The following REEP1 variants were observed in gnomAD, a reference collection of about 807,000 sequenced individuals.
REEP1 encodes receptor accessory protein 1, also known as receptor expression-enhancing protein 1.
Under a neutral mutation model 40.3 loss-of-function variants are expected in REEP1, and 22 were observed. The ratio of observed to expected loss-of-function variants is 0.55; its 90% CI spans 0.39 to 0.78. The LOEUF is 0.78. Ranked by LOEUF, REEP1 falls within the 30% of genes least tolerant of loss-of-function variation. The pLI is 0.00. For missense variants in REEP1, 280 were observed against 361.1 expected (o/e 0.78, Z 1.82); for synonymous variants, 116 against 139.2 (o/e 0.83, Z 1.17).
chr2:86,253,965 T>G (rs1338969094), intron 4 of REEP1, among the ~76,000 whole-genome samples: 3 of 152,144 alleles, frequency 2.0e-5, no homozygotes, highest in Admixed American at 2.0e-4. Flanking sequence ...TCTAAGACAA[T>G]TAAAGGAAGC....
intron 1 of REEP1, among the ~76,000 whole-genome samples, chr2:86,282,838 C>A (rs1296856161): frequency 6.6e-6 from 1 of 152,158 alleles, no homozygotes; most frequent in Non-Finnish European, 1.5e-5. Flanking sequence ...CAGCAGCTCT[C>A]ACTGATCTAT....
chr2:86,245,325 C>G (rs922036748), intron 5 of REEP1, among the ~76,000 whole-genome samples: 2 of 152,196 alleles, frequency 1.3e-5, no homozygotes, highest in Non-Finnish European at 2.9e-5. Flanking sequence ...TGTTCCCATG[C>G]TCAGAGCGAG....
intron 8 of REEP1, among the ~76,000 whole-genome samples, chr2:86,218,175 C>T (rs1402312819): frequency 6.6e-6 from 1 of 152,162 alleles, no homozygotes; most frequent in Non-Finnish European, 1.5e-5. Context: ...TCCCGGAGCC[C>T]CTCCTGCCAC....
intron 1 of REEP1, among the ~76,000 whole-genome samples, chr2:86,336,492 G>T (rs1462757755): frequency 6.6e-6 from 1 of 152,070 alleles, no homozygotes; most frequent in African/African-American, 2.4e-5. Flanking sequence ...CCTCCTCCCC[G>T]CCTTAGACTC....
chr2:86,264,645 A>T (rs1677047153), intron 2 of REEP1, among the ~76,000 whole-genome samples: 1 of 152,152 alleles, frequency 6.6e-6, no homozygotes, highest in South Asian at 2.1e-4. Context: ...CACCCCATTT[A>T]AAATATCCCA....
At chr2:86,251,082 A>C (rs1196564232) in intron 5 of REEP1, among the ~76,000 whole-genome samples, 1 of 152,132 alleles carries the variant, frequency 6.6e-6, no homozygotes. Context: ...TCCAATCATC[A>C]GCATAACTGC....
intron 1 of REEP1, among the ~76,000 whole-genome samples, chr2:86,309,992 C>G (rs752874388): frequency 3.9e-5 from 6 of 152,118 alleles, no homozygotes; most frequent in Non-Finnish European, 7.4e-5. Context: ...TCGTGCAGCA[C>G]AAACAAGGCT....
chr2:86,287,789 A>C (rs1228122177), intron 1 of REEP1, among the ~76,000 whole-genome samples: 1 of 152,118 alleles, frequency 6.6e-6, no homozygotes, highest in Non-Finnish European at 1.5e-5. Flanking sequence ...CCTCCTCCCC[A>C]AAACTCACCA....
At chr2:86,337,648 C>A (rs868100635), upstream of REEP1, 46 of 1,046,810 alleles carry the variant, frequency 4.4e-5, no homozygotes, top group Non-Finnish European at 5.2e-5. This position sits in a 1 kb window ranked among gnomAD's most constrained non-coding sequence, Gnocchi z 5.8. Flanking sequence ...CCGCCCTGCC[C>A]GGCGTTCGCG....
intron 1 of REEP1, among the ~76,000 whole-genome samples, chr2:86,284,814 C>T (rs776581788): frequency 8.5e-5 from 13 of 152,192 alleles, no homozygotes; most frequent in Non-Finnish European, 1.6e-4. Context: ...AAGGCCTGTG[C>T]TAGGTCAGCT....
intron 7 of REEP1, among the ~76,000 whole-genome samples, chr2:86,225,961 T>G (rs1406261766): frequency 6.6e-6 from 1 of 152,066 alleles, no homozygotes; most frequent in Non-Finnish European, 1.5e-5. Context: ...AACCACCAGG[T>G]GGCTGTGGCT....
intron 2 of REEP1, among the ~76,000 whole-genome samples, chr2:86,272,761 T>C (rs1677526944): frequency 6.6e-6 from 1 of 152,154 alleles, no homozygotes; most frequent in South Asian, 2.1e-4. Flanking sequence ...TTTAGAATAG[T>C]TACAACTTTA....
rs1674094019 is a variant in REEP1, at chr2:86,216,009, T to C, written c.*1030A>G. ...ATATCTGAAACAGCAGAGTTCTCAGTTTTTTGTGTGTTTGTTTTTGCTAAG... is the reference window on the plus strand; with the variant it reads ...ATATCTGAAACAGCAGAGTTCTCAGCTTTTTGTGTGTTTGTTTTTGCTAAG... On this transcript the variant is annotated 3_prime_UTR_variant, in exon 9 of 9. Coordinates refer to ENST00000538924, the MANE Select transcript of REEP1 (RefSeq NM_001371279.1). 2.0e-5 allele frequency: 3 copies of C among 152,178 alleles called. No individual in the cohort carries two copies. 9.4% of individuals were successfully genotyped at this position (152,178 alleles called of 1,614,324 possible).
At position 86,288,456 on chromosome 2, in the gene REEP1, T is replaced by G. The variant is rs116415502; in HGVS notation, c.33-6214A>C. 8.3e-3 allele frequency among the ~76,000 whole-genome samples: 1,260 copies of G among 152,320 alleles called. 15 individuals are homozygous for G. The highest frequency in any genetic ancestry group is 0.017 in the South Asian group (83 of 4,828). ...CAGGTATGTGCCACCTGCATCCAGT[T>G]TTTTTAGATTCTTTTTAACTACTGT... On this transcript the variant is annotated intron_variant, in intron 1 of 8. Transcript: ENST00000538924.
Position 86,319,531 on chromosome 2 carries a change from C to T in REEP1, c.32+17948G>A, listed in dbSNP as rs546305111. On this transcript the variant is annotated intron_variant, in intron 1 of 8. Transcript: ENST00000538924. ...CCAACATGGCAAAACCCCGTCTCTACTAAAAATACAAAAATTAGCTGGGCA... is the reference window on the plus strand; with the variant it reads ...CCAACATGGCAAAACCCCGTCTCTATTAAAAATACAAAAATTAGCTGGGCA... Among the ~76,000 whole-genome samples the T allele has an allele frequency of 2.0e-4, 30 of 152,196 alleles. 1 individual carries two copies. The South Asian group carries it at 5.8e-3, about 29-fold the overall frequency.
chr2:86,318,215 G>A (rs11680025), intron 1 of REEP1, among the ~76,000 whole-genome samples: 54,907 of 151,772 alleles, frequency 0.36, 11,853 homozygotes, highest in East Asian at 0.58. Context: ...AATGCATAAT[G>A]TTAAAAATCA....
At chr2:86,301,231 C>T (rs529161815) in intron 1 of REEP1, among the ~76,000 whole-genome samples, 62 of 152,306 alleles carry the variant, frequency 4.1e-4, no homozygotes, top group African/African-American at 1.4e-3. Flanking sequence ...ACAGCACCAG[C>T]GGAAACCACA....
rs994319532 is a variant in REEP1, at chr2:86,337,365, G to T, written c.32+114C>A. The T allele has an allele frequency of 8.0e-6, 5 of 628,538 alleles. No homozygotes were observed. The highest frequency in any genetic ancestry group is 4.8e-5 in the Admixed American group (1 of 20,842). The allele number at this position is 628,538 out of a possible 1,614,324, so 38.9% of individuals were successfully genotyped here. ...TACTGTACCTGCTAAATTTAGCTGC[G>T]CCGGGTATTAATAGCCCGAGCCACT... On this transcript the variant is annotated intron_variant, in intron 1 of 8. Transcript: ENST00000538924. This position sits in a 1 kb window ranked among gnomAD's most constrained non-coding sequence, Gnocchi z 5.8.
intron 6 of REEP1, among the ~76,000 whole-genome samples, chr2:86,228,494 T>C (rs1039859061): frequency 6.6e-6 from 1 of 151,676 alleles, no homozygotes; most frequent in Non-Finnish European, 1.5e-5. Flanking sequence ...GTTTCACTCT[T>C]GTTGCCCAGG....
Sources: allele counts gnomAD v4.1 joint callset (sites outside exome capture counted in the v4.1 genomes callset), GRCh38; gene constraint gnomAD v4.1.1; non-coding constraint Gnocchi (gnomAD v3.1); transcripts MANE v1.5; gene names NCBI Gene and HGNC (gene_info 2026-07-23, HGNC 2026-07-21).